The following NSD1 variants were observed in gnomAD, a reference collection of about 807,000 sequenced individuals.
NSD1 encodes histone-lysine N-methyltransferase, H3 lysine-36 specific.
Under a neutral mutation model 242.7 loss-of-function variants are expected in NSD1, and 26 were observed. The ratio of observed to expected loss-of-function variants is 0.11; its 90% CI spans 0.08 to 0.15. The LOEUF (loss-of-function observed/expected upper bound fraction) is 0.15. Ranked by LOEUF, NSD1 falls within the 10% of genes least tolerant of loss-of-function variation. NSD1 has a pLI of 1.00. For missense variants in NSD1, 2,495 were observed against 3,272.8 expected, an observed-to-expected ratio of 0.76 and a Z score of 5.80; for synonymous variants, 1,106 against 1,178.1, an observed-to-expected ratio of 0.94 and a Z score of 1.25.
chr5:177,267,478 A>T (rs945032596), intron 14 of NSD1, 84 bp from the exon 15 acceptor site: 31 of 1,126,744 alleles, frequency 2.8e-5, no homozygotes, highest in Non-Finnish European at 3.7e-5. Flanking sequence ...AGAGAAAGAA[A>T]ATATATATAT....
chr5:177,233,072 ATTTCT>A (rs1484921889), intron 5 of NSD1, among the ~76,000 whole-genome samples: 2 of 152,066 alleles, frequency 1.3e-5, no homozygotes, highest in Non-Finnish European at 2.9e-5. Flanking sequence ...CAAGGCATGA[ATTTCT>A]TTTCTTTTCT....
chr5:177,172,813 T>C (rs757053227), intron 2 of NSD1, among the ~76,000 whole-genome samples: 1 of 151,636 alleles, frequency 6.6e-6, no homozygotes, highest in Admixed American at 6.6e-5. Flanking sequence ...TTTTAAAAAC[T>C]AGCTGGGCAT....
Position 177,295,374 on chromosome 5 carries a change from A to G in NSD1, c.8006A>G (p.Gln2669Arg). Residue 2669 changes from glutamine (Q) to arginine (R), a missense_variant, in exon 23 of 23, where the codon CAA (glutamine) becomes CGA (arginine). Physicochemically the swap from Gln to Arg is conservative, Grantham distance 43. Around this residue, in one of 19 missense-constraint regions of NSD1, gnomAD observed 475 missense variants for 563.7 expected, o/e 0.84. Transcript: ENST00000439151. This position sits in a 1 kb window ranked among gnomAD's most constrained non-coding sequence, Gnocchi z 4.3. ...AQTCWSLGRG[Q>R]DPKPEQNTLP... ...ACTTGCTGGTCTCTTGGAAGAGGGCAAGACCCCAAACCAGAGCAAAATACA... is the reference window on the plus strand; with the variant it reads ...ACTTGCTGGTCTCTTGGAAGAGGGCGAGACCCCAAACCAGAGCAAAATACA... The G allele has an allele frequency of 1.9e-6, 3 of 1,614,240 alleles. No homozygotes were observed. The highest frequency in any genetic ancestry group is 2.2e-5 in the South Asian group (2 of 91,088).
Position 177,284,763 on chromosome 5 carries a change from C to T in NSD1, c.6151+835C>T, listed in dbSNP as rs1006965145. The stretch of plus-strand genomic sequence containing the variant: ...TCCACTTTATAAACCAAAGATTGAT[C>T]TCTCACTCTTCCATATCTTATGGGT... On this transcript the variant is annotated intron_variant, in intron 20 of 22. Coordinates refer to ENST00000439151, the MANE Select transcript of NSD1 (RefSeq NM_022455.5). Among the ~76,000 whole-genome samples the T allele has an allele frequency of 1.3e-4, 20 of 152,214 alleles. 1 individual carries two copies. The highest frequency in any genetic ancestry group is 4.6e-4 in the African/African-American group (19 of 41,448).
chr5:177,267,754 T>G, intron 15 of NSD1, 36 bp downstream of exon 15: 1 of 1,605,034 alleles, frequency 6.2e-7, no homozygotes, highest in Non-Finnish European at 8.5e-7. Context: ...TCTTTTACCA[T>G]CCTCTGTTTC....
rs1247087722 is a variant in NSD1 at position 177,134,700 on chromosome 5, T to C, written c.-17-387T>C. On this transcript the variant is annotated intron_variant, in intron 1 of 22. Transcript: ENST00000439151. The surrounding 1 kb of genome is among the most constrained non-coding windows in gnomAD (Gnocchi z 4.2). ...TTTGTGCAGGGTCCAGGAGCCCCCCTCGGACCCCGCAGCCTTTTGCTTTTG... is the reference window on the plus strand; with the variant it reads ...TTTGTGCAGGGTCCAGGAGCCCCCCCCGGACCCCGCAGCCTTTTGCTTTTG... 6.6e-6 allele frequency among the ~76,000 whole-genome samples: 1 copy of C among 152,168 alleles called. No homozygotes were observed. The highest frequency in any genetic ancestry group is 1.5e-5 in the Non-Finnish European group (1 of 68,012).
At chr5:177,150,287 C>T (rs528284991) in intron 2 of NSD1, among the ~76,000 whole-genome samples, 32 of 152,204 alleles carry the variant, frequency 2.1e-4, no homozygotes, top group Admixed American at 8.5e-4. Flanking sequence ...GCACCCGCCA[C>T]GACGCCTGGC....
intron 2 of NSD1, among the ~76,000 whole-genome samples, chr5:177,182,883 C>G (rs1760810174): frequency 6.6e-6 from 1 of 152,168 alleles, no homozygotes; most frequent in African/African-American, 2.4e-5. Context: ...GGTGATCCGC[C>G]CACCTCGGCC....
chr5:177,230,548 A>G (rs927471443), intron 5 of NSD1, among the ~76,000 whole-genome samples: 22 of 152,028 alleles, frequency 1.4e-4, no homozygotes, highest in African/African-American at 2.4e-5. Context: ...AAACGTGGCC[A>G]GGCGTGGTGG....
intron 12 of NSD1, among the ~76,000 whole-genome samples, chr5:177,256,275 CTTTTTT>C (rs147226070): frequency 2.6e-5 from 2 of 76,850 alleles, no homozygotes; most frequent in Non-Finnish European, 4.9e-5. Context: ...TGCCCCCACA[CTTTTTT>C]TTTTTTTTTT....
At chr5:177,282,806 A>G (rs879872647) in intron 19 of NSD1, among the ~76,000 whole-genome samples, 15 of 152,212 alleles carry the variant, frequency 9.9e-5, no homozygotes, top group African/African-American at 2.7e-4. Flanking sequence ...GAACAATTCA[A>G]TGAAAATTGG....
chr5:177,193,259 G>C (rs1037358408), intron 3 of NSD1, among the ~76,000 whole-genome samples: 2 of 151,994 alleles, frequency 1.3e-5, no homozygotes, highest in African/African-American at 4.8e-5. Flanking sequence ...TCCTGCCTCA[G>C]CCTCCCGAGT....
Position 177,187,797 on chromosome 5 carries a change from C to T in NSD1, c.928-4087C>T, listed in dbSNP as rs192645848. ...GAAACAGTTGCACTGAATTAAGGCC[C>T]ACCCTTGTGACTTCATCTGGATCAA... On this transcript the variant is annotated intron_variant, in intron 2 of 22. Transcript: ENST00000439151. Among the ~76,000 whole-genome samples, 218 of 152,244 alleles carry T rather than the reference C, an allele frequency of 1.4e-3. 1 individual carries two copies. The highest frequency in any genetic ancestry group is 2.6e-3 in the Non-Finnish European group (175 of 68,024).
chr5:177,188,806 TA>T (rs1562176554), intron 2 of NSD1, among the ~76,000 whole-genome samples: 1 of 152,106 alleles, frequency 6.6e-6, no homozygotes, highest in African/African-American at 2.4e-5. Context: ...ATAATTTTTT[TA>T]AACAGATCTC....
chr5:177,271,063 C>T (rs1481873265), intron 16 of NSD1, among the ~76,000 whole-genome samples: 1 of 151,986 alleles, frequency 6.6e-6, no homozygotes, highest in Admixed American at 6.6e-5. Flanking sequence ...TAAGGAATAC[C>T]GCAGGTCTGA....
chr5:177,192,623 C>T (rs371596107), intron 3 of NSD1, among the ~76,000 whole-genome samples: 2 of 152,062 alleles, frequency 1.3e-5, no homozygotes, highest in East Asian at 3.8e-4. Context: ...CTCGAGCTCC[C>T]GACCTCAGGC....
At chr5:177,149,244 ATGTTGCT>A (rs1332504464) in intron 2 of NSD1, among the ~76,000 whole-genome samples, 1 of 151,346 alleles carries the variant, frequency 6.6e-6, no homozygotes. Flanking sequence ...TTGAGACGGA[ATGTTGCT>A]CTTGTTGCCC....
At chr5:177,235,361 T>TGCA (rs1765363167) in intron 5 of NSD1, among the ~76,000 whole-genome samples, 1 of 152,210 alleles carries the variant, frequency 6.6e-6, no homozygotes, top group East Asian at 1.9e-4. Flanking sequence ...TAACTTATTA[T>TGCA]ATATATATGC....
chr5:177,176,580 C>T (rs1357397551), intron 2 of NSD1, among the ~76,000 whole-genome samples: 2 of 152,122 alleles, frequency 1.3e-5, no homozygotes, highest in Non-Finnish European at 2.9e-5. Context: ...CACAGGCACA[C>T]ACCACCACAC....
Sources: allele counts gnomAD v4.1 joint callset (sites outside exome capture counted in the v4.1 genomes callset), GRCh38; gene constraint gnomAD v4.1.1; regional missense constraint gnomAD v4.1.1; non-coding constraint Gnocchi (gnomAD v3.1); transcripts MANE v1.5; gene names NCBI Gene and HGNC (gene_info 2026-07-23, HGNC 2026-07-21).